Variants in SLC6A16 observed in about 807,000 individuals in gnomAD.
SLC6A16 encodes orphan sodium- and chloride-dependent neurotransmitter transporter NTT5.
A neutral mutation model predicts 65.4 loss-of-function variants in SLC6A16; 54 were observed. The ratio of observed to expected loss-of-function variants is 0.83; its 90% CI spans 0.66 to 1.04. SLC6A16 has a LOEUF of 1.04. Ranked by LOEUF, SLC6A16 falls within the 50% of genes least tolerant of loss-of-function variation. SLC6A16 has a pLI of 0.00. For missense variants in SLC6A16, 816 were observed against 914.0 expected, an observed-to-expected ratio of 0.89 and a Z score of 1.38; for synonymous variants, 330 against 346.5, an observed-to-expected ratio of 0.95 and a Z score of 0.53.
the SLC6A16 span, among the ~76,000 whole-genome samples, chr19:49,330,933 CA>C: frequency 8.6e-3 from 939 of 108,812 alleles, 13 homozygotes; most frequent in Non-Finnish European, 5.7e-3. Context: ...TAGAGTGAGA[CA>C]AAAAAAAAAC....
chr19:49,339,571 G>A, the SLC6A16 span: 2 of 1,456,756 alleles, frequency 1.4e-6, no homozygotes, highest in Non-Finnish European at 1.8e-6. The surrounding 1 kb of genome is among the most constrained non-coding windows in gnomAD (Gnocchi z 4.5). Flanking sequence ...GAGGGTGGGG[G>A]CGGCCCAGCT....
intron 1 of SLC6A16, among the ~76,000 whole-genome samples, chr19:49,321,737 A>AAAAC (rs559089243): frequency 2.6e-5 from 4 of 151,532 alleles, no homozygotes; most frequent in South Asian, 4.2e-4. Context: ...CTCCATCTCA[A>AAAAC]AAACAAACAA....
intron 7 of SLC6A16, among the ~76,000 whole-genome samples, chr19:49,298,969 G>A (rs1054814830): frequency 2.0e-5 from 3 of 152,170 alleles, no homozygotes; most frequent in Admixed American, 6.5e-5. Flanking sequence ...AAAACCTGCC[G>A]GGTGTGGTGG....
chr19:49,338,958 A>G, the SLC6A16 span: 1 of 1,585,332 alleles, frequency 6.3e-7, no homozygotes, highest in South Asian at 1.1e-5. The surrounding 1 kb of genome is among the most constrained non-coding windows in gnomAD (Gnocchi z 5.0). Context: ...TTCGGAGCAT[A>G]AACCTGTCGA....
chr19:49,309,311 A>G lies in SLC6A16; in HGVS notation c.977T>C (p.Val326Ala). 1 of 1,612,742 alleles carries G rather than the reference A, an allele frequency of 6.2e-7. No individual in the cohort carries two copies. The highest frequency in any genetic ancestry group is 8.5e-7 in the Non-Finnish European group (1 of 1,178,724). Reference protein sequence around the residue: ...EGAKFGLQQLVVAKISDVYNM... With the variant: ...EGAKFGLQQLAVAKISDVYNM... ...GGAGATAGATTTCACCTTGGCAACC[A>G]CCAACTGTTGAAGGCCAAATTTTGC... Residue 326 changes from valine to alanine, a missense_variant, in exon 6 of 12, where the codon GTG becomes GCG. Transcript: ENST00000335875.
In SLC6A16 at chr19:49,310,113, G is replaced by T. The variant is rs1282921086; in HGVS notation, c.627C>A (p.Phe209Leu). Residue 209 changes from phenylalanine to leucine, a missense_variant, in exon 4 of 12, where the codon TTC becomes TTA. Phe to Leu is a conservative substitution (Grantham distance 22, BLOSUM62 0). Transcript: ENST00000335875. ...GAAACTGGAAGGACTGGCTCATGTA[G>T]AAGATGATCCAGGAATTGACCACAT... ...YFNVVNSWII[F>L]YMSQSFQFPV... is the part of the protein sequence containing the mutation. The T allele has an allele frequency of 6.2e-7, 1 of 1,614,022 alleles. No homozygotes were observed. The highest frequency in any genetic ancestry group is 1.7e-5 in the Admixed American group (1 of 59,996).
At chr19:49,323,231 C>A (rs1355507114) in intron 1 of SLC6A16, among the ~76,000 whole-genome samples, 1 of 151,972 alleles carries the variant, frequency 6.6e-6, no homozygotes, top group South Asian at 2.1e-4. Context: ...AAATCAAAGA[C>A]CTAAATGTAA....
At chr19:49,334,337 T>G in the SLC6A16 span, among the ~76,000 whole-genome samples, 1 of 151,222 alleles carries the variant, frequency 6.6e-6, no homozygotes, top group Non-Finnish European at 1.5e-5. Flanking sequence ...ATGAAGAAAA[T>G]TAGCCAGGCA....
At chr19:49,340,314 G>C in the SLC6A16 span, 1 of 1,613,064 alleles carries the variant, frequency 6.2e-7, no homozygotes, top group South Asian at 1.1e-5. Context: ...CAACCGGCTC[G>C]CTCGATACCG....
At chr19:49,337,138 G>A in the SLC6A16 span, 2 of 1,614,156 alleles carry the variant, frequency 1.2e-6, no homozygotes, top group Non-Finnish European at 1.7e-6. Context: ...TCTCCACTCT[G>A]CTCCCCAGTA....
the SLC6A16 span, chr19:49,338,573 C>A: frequency 1.4e-6 from 1 of 714,472 alleles, no homozygotes; most frequent in Non-Finnish European, 2.5e-6. The surrounding 1 kb of genome is among the most constrained non-coding windows in gnomAD (Gnocchi z 5.0). Flanking sequence ...GCCCACTGTC[C>A]CCCACTCCAC....
At chr19:49,299,212 G>A (rs1174601800) in intron 7 of SLC6A16, among the ~76,000 whole-genome samples, 3 of 147,940 alleles carry the variant, frequency 2.0e-5, no homozygotes, top group Non-Finnish European at 4.5e-5. Context: ...CACCTCTGCA[G>A]TCCAGCCTGG....
the SLC6A16 span, chr19:49,338,198 C>G: frequency 3.5e-6 from 5 of 1,434,906 alleles, no homozygotes; most frequent in South Asian, 6.0e-5. This position sits in a 1 kb window ranked among gnomAD's most constrained non-coding sequence, Gnocchi z 5.0. Context: ...CTGTCCCCGG[C>G]GTCGCCTGGT....
chr19:49,294,320 A>AAC, intron 8 of SLC6A16, 47 bp downstream of exon 8: 1 of 1,577,486 alleles, frequency 6.3e-7, no homozygotes, highest in Non-Finnish European at 8.6e-7. Flanking sequence ...TGTTGTGCTA[A>AAC]AGGCTTTCAG....
chr19:49,337,293 G>GA, the SLC6A16 span: 1 of 1,438,316 alleles, frequency 7.0e-7, no homozygotes, highest in Non-Finnish European at 9.8e-7. Flanking sequence ...GGAGAGGGTG[G>GA]AGAGAGACCG....
chr19:49,309,646 C>T lies in SLC6A16; in HGVS notation c.876+5G>A. The T allele has an allele frequency of 1.2e-6, 2 of 1,611,330 alleles. No individual in the cohort carries two copies. The highest frequency in any genetic ancestry group is 1.1e-5 in the South Asian group (1 of 91,026). ...ATTTCAAGGAATCCAATACTGGTGG[C>T]TCACCTTCCCAGTGGACTTGAGCCC... On this transcript the variant is annotated splice_donor_5th_base_variant and intron_variant, in intron 5 of 11. Coordinates refer to ENST00000335875, the MANE Select transcript of SLC6A16 (RefSeq NM_014037.3).
chr19:49,307,559 G>A (rs888915281), intron 7 of SLC6A16, among the ~76,000 whole-genome samples: 21 of 151,716 alleles, frequency 1.4e-4, no homozygotes, highest in African/African-American at 4.6e-4. Flanking sequence ...GGTCGGGCGC[G>A]GTGGCTCACG....
At chr19:49,336,738 A>G in the SLC6A16 span, 1 of 625,840 alleles carries the variant, frequency 1.6e-6, no homozygotes, top group Admixed American at 3.1e-5. Context: ...CAGGCCCAGA[A>G]AGAAGAGAAA....
rs530197924 is a variant in SLC6A16, at chr19:49,310,655, G to A, written c.416-145C>T. 41 of 890,938 alleles carry A rather than the reference G, an allele frequency of 4.6e-5. 2 individuals are homozygous for A. The South Asian group carries it at 4.7e-4, about 10-fold the overall frequency. 55.2% of individuals were successfully genotyped at this position (890,938 alleles called of 1,614,324 possible). A position where few individuals can be genotyped will look rare whatever the true frequency, so the allele number is the denominator to read the frequency against. On this transcript the variant is annotated intron_variant, in intron 2 of 11. Coordinates refer to ENST00000335875, the MANE Select transcript of SLC6A16 (RefSeq NM_014037.3). ...GCTCACCCATGTCTACATCCCTCAC[G>A]GTCCCAAGTGTCCAGTCCTCTGGCC...
Sources: allele counts gnomAD v4.1 joint callset (sites outside exome capture counted in the v4.1 genomes callset), GRCh38; gene constraint gnomAD v4.1.1; non-coding constraint Gnocchi (gnomAD v3.1); transcripts MANE v1.5; gene names NCBI Gene and HGNC (gene_info 2026-07-23, HGNC 2026-07-21).